Variants in VDAC1 observed in about 807,000 individuals in gnomAD.
VDAC1 encodes the protein voltage dependent anion channel 1, also known as non-selective voltage-gated ion channel VDAC1.
In VDAC1, 10 loss-of-function variants were observed where a neutral mutation model predicts 34.7. That is an observed-to-expected ratio of 0.29 (90% CI 0.18 to 0.49). The LOEUF (loss-of-function observed/expected upper bound fraction) is 0.49, where lower values mean the gene tolerates loss of function less well. VDAC1 is among the 20% of genes least tolerant of loss of function. The pLI, the probability that VDAC1 is intolerant of heterozygous loss-of-function variation, is 0.99. For missense variants in VDAC1, 230 were observed against 347.9 expected (o/e 0.66, Z 2.69); for synonymous variants, 130 against 136.0 (o/e 0.96, Z 0.30).
At chr5:134,045,933 C>T in the VDAC1 span, among the ~76,000 whole-genome samples, 2 of 152,004 alleles carry the variant, frequency 1.3e-5, no homozygotes, top group Non-Finnish European at 2.9e-5. Context: ...GATCTGCCCA[C>T]CTCAGCCTCC....
chr5:134,042,798 T>C, the VDAC1 span, among the ~76,000 whole-genome samples: 1 of 152,160 alleles, frequency 6.6e-6, no homozygotes, highest in Non-Finnish European at 1.5e-5. Context: ...TTGGGTCTTT[T>C]AATGGGAGTT....
At chr5:134,014,721 C>T in the VDAC1 span, among the ~76,000 whole-genome samples, 2 of 152,220 alleles carry the variant, frequency 1.3e-5, no homozygotes, top group South Asian at 4.2e-4. Flanking sequence ...CAAAAATTAG[C>T]CGGGCATGGT....
the VDAC1 span, among the ~76,000 whole-genome samples, chr5:134,058,822 G>A: frequency 0.13 from 19,187 of 152,158 alleles, 2,481 homozygotes; most frequent in African/African-American, 0.33. Flanking sequence ...CAACGTGACC[G>A]GCACTCCAAG....
intron 6 of VDAC1, 149 bp from the exon 7 acceptor site, chr5:133,976,170 T>G: frequency 2.2e-6 from 2 of 897,872 alleles, no homozygotes; most frequent in Non-Finnish European, 3.4e-6. Flanking sequence ...TCACCAAATT[T>G]CACAAAACAG....
chr5:134,111,081 A>G, the VDAC1 span, among the ~76,000 whole-genome samples: 1 of 152,166 alleles, frequency 6.6e-6, no homozygotes, highest in African/African-American at 2.4e-5. Context: ...ACTCCAACAG[A>G]GCAGGGCAGG....
At chr5:134,023,334 G>A in the VDAC1 span, among the ~76,000 whole-genome samples, 1 of 151,954 alleles carries the variant, frequency 6.6e-6, no homozygotes, top group African/African-American at 2.4e-5. Flanking sequence ...GGGGGGCAAG[G>A]GGAGGGAGAG....
At chr5:134,022,535 C>T in the VDAC1 span, among the ~76,000 whole-genome samples, 1 of 152,182 alleles carries the variant, frequency 6.6e-6, no homozygotes, top group Non-Finnish European at 1.5e-5. Flanking sequence ...TTAATCCAAT[C>T]ATGAGGGCTC....
the VDAC1 span, among the ~76,000 whole-genome samples, chr5:134,023,549 A>G: frequency 4.2e-3 from 636 of 151,752 alleles, 5 homozygotes; most frequent in African/African-American, 0.015. Context: ...ATATGTAATT[A>G]TGGATTTTGA....
chr5:133,998,083 AAAAG>A (rs891486378), intron 1 of VDAC1, among the ~76,000 whole-genome samples: 4 of 151,954 alleles, frequency 2.6e-5, no homozygotes, highest in Non-Finnish European at 5.9e-5. Context: ...AAAAAAAAAA[AAAAG>A]AAAGAAAGCT....
At chr5:134,008,967 G>T (rs1753794053), upstream of VDAC1, among the ~76,000 whole-genome samples, 1 of 152,108 alleles carries the variant, frequency 6.6e-6, no homozygotes, top group African/African-American at 2.4e-5. Context: ...CTGACACTCA[G>T]CATCCAGGGA....
At chr5:134,074,348 AT>A in the VDAC1 span, among the ~76,000 whole-genome samples, 2 of 151,596 alleles carry the variant, frequency 1.3e-5, no homozygotes, top group East Asian at 1.9e-4. Flanking sequence ...AAATAAATAA[AT>A]AAATAAAAGC....
chr5:134,066,603 A>G, the VDAC1 span, among the ~76,000 whole-genome samples: 3 of 152,336 alleles, frequency 2.0e-5, no homozygotes, highest in East Asian at 1.9e-4. Flanking sequence ...ACTCTTACAT[A>G]AAAGTCCTGG....
At chr5:134,101,079 A>G in the VDAC1 span, among the ~76,000 whole-genome samples, 1 of 152,242 alleles carries the variant, frequency 6.6e-6, no homozygotes, top group Non-Finnish European at 1.5e-5. Flanking sequence ...GAGTAATCCC[A>G]ACGGAAACCA....
chr5:134,057,507 A>G, the VDAC1 span, among the ~76,000 whole-genome samples: 2 of 148,168 alleles, frequency 1.3e-5, no homozygotes, highest in Non-Finnish European at 1.5e-5. Context: ...ATCTATATCT[A>G]TATCTATATC....
rs1036605919 is a variant in VDAC1 at position 133,972,489 on chromosome 5, C to T, written c.*282G>A. 2.8e-5 allele frequency: 13 copies of T among 463,362 alleles called. No homozygotes were observed. The highest frequency in any genetic ancestry group is 4.5e-5 in the Non-Finnish European group (12 of 265,128). 28.7% of individuals were successfully genotyped at this position (463,362 alleles called of 1,614,324 possible). On this transcript the variant is annotated 3_prime_UTR_variant, in exon 9 of 9. Transcript: ENST00000265333. ...ATTTACAAAGTGCCTACATATTATC[C>T]GCTTCCACTTGCAGCCATTTCTAGA...
At chr5:134,048,720 C>G in the VDAC1 span, among the ~76,000 whole-genome samples, 2 of 152,144 alleles carry the variant, frequency 1.3e-5, no homozygotes, top group African/African-American at 4.8e-5. Flanking sequence ...GTCCTCCTAG[C>G]TCTTATCCCC....
At chr5:134,014,478 A>G in the VDAC1 span, among the ~76,000 whole-genome samples, 17 of 152,344 alleles carry the variant, frequency 1.1e-4, 1 homozygote, top group South Asian at 3.1e-3. Context: ...ATGCTTATAC[A>G]CTGCTGGTGG....
the VDAC1 span, among the ~76,000 whole-genome samples, chr5:134,071,168 C>T: frequency 6.6e-6 from 1 of 152,252 alleles, no homozygotes; most frequent in East Asian, 1.9e-4. This position sits in a 1 kb window ranked among gnomAD's most constrained non-coding sequence, Gnocchi z 4.1. Flanking sequence ...TCGGCCCAGC[C>T]TTCCTGGGGG....
At chr5:134,055,569 G>A in the VDAC1 span, among the ~76,000 whole-genome samples, 6 of 127,902 alleles carry the variant, frequency 4.7e-5, no homozygotes, top group Admixed American at 8.3e-5. Flanking sequence ...ATAGGCGCCC[G>A]CCACCACGCC....
Sources: allele counts gnomAD v4.1 joint callset (sites outside exome capture counted in the v4.1 genomes callset), GRCh38; gene constraint gnomAD v4.1.1; non-coding constraint Gnocchi (gnomAD v3.1); transcripts MANE v1.5; gene names NCBI Gene and HGNC (gene_info 2026-07-23, HGNC 2026-07-21).